SCHIP1: variants seen among roughly 807,000 people sequenced by gnomAD.
SCHIP1 encodes the protein schwannomin interacting protein 1, also known as schwannomin-interacting protein 1.
Under a neutral mutation model 29.7 loss-of-function variants are expected in SCHIP1, and 8 were observed. The ratio of observed to expected loss-of-function variants is 0.27; its 90% CI spans 0.16 to 0.49. The LOEUF is 0.49. Ranked by LOEUF, SCHIP1 falls within the 20% of genes least tolerant of loss-of-function variation. SCHIP1 has a pLI of 0.99. For synonymous variants in SCHIP1, 76 were observed against 94.9 expected, an observed-to-expected ratio of 0.80 and a Z score of 1.16; for missense variants, 193 against 294.6, an observed-to-expected ratio of 0.66 and a Z score of 2.52.
chr3:159,613,579 T>A, the SCHIP1 span, among the ~76,000 whole-genome samples: 2 of 152,234 alleles, frequency 1.3e-5, no homozygotes, highest in African/African-American at 2.4e-5. Flanking sequence ...TTTTATGACC[T>A]ACGGGTTGAA....
At chr3:159,379,171 A>T in the SCHIP1 span, among the ~76,000 whole-genome samples, 1 of 151,830 alleles carries the variant, frequency 6.6e-6, no homozygotes, top group Non-Finnish European at 1.5e-5. Context: ...ATGGAGTGAT[A>T]TAATATGTAA....
At position 159,865,099 on chromosome 3, in the gene SCHIP1, G is replaced by A. The variant is rs1483659026; in HGVS notation, c.31-1064G>A. ...AGAACCTCCTACTGGGAGAATGAAG[G>A]CATCACCAAGCCTTTAGTAGCCACA... is the stretch of plus-strand genomic sequence containing the variant. On this transcript the variant is annotated intron_variant, in intron 1 of 6. Coordinates refer to ENST00000445224, the Ensembl canonical transcript of SCHIP1. 3.3e-5 allele frequency among the ~76,000 whole-genome samples: 5 copies of A among 152,200 alleles called. No homozygotes were observed. The East Asian group carries it at 5.8e-4, about 18-fold the overall frequency.
the SCHIP1 span, among the ~76,000 whole-genome samples, chr3:159,319,391 T>C: frequency 6.6e-6 from 1 of 152,198 alleles, no homozygotes; most frequent in Non-Finnish European, 1.5e-5. Flanking sequence ...ATTGTTTGTT[T>C]TGAAAAGAGA....
At chr3:159,464,374 G>C in the SCHIP1 span, among the ~76,000 whole-genome samples, 3 of 152,160 alleles carry the variant, frequency 2.0e-5, no homozygotes, top group African/African-American at 7.2e-5. Flanking sequence ...TGATGCCACA[G>C]GTGACATTTC....
chr3:159,718,168 C>A, the SCHIP1 span, among the ~76,000 whole-genome samples: 1 of 152,118 alleles, frequency 6.6e-6, no homozygotes, highest in Middle Eastern at 3.2e-3. Context: ...AGGCCTTCGA[C>A]AAAATTTCAA....
chr3:159,448,787 A>G, the SCHIP1 span, among the ~76,000 whole-genome samples: 1 of 152,062 alleles, frequency 6.6e-6, no homozygotes, highest in Non-Finnish European at 1.5e-5. Context: ...ACCCTAACAC[A>G]CTCATGAACT....
the SCHIP1 span, among the ~76,000 whole-genome samples, chr3:159,451,608 G>A: frequency 6.6e-6 from 1 of 152,180 alleles, no homozygotes; most frequent in East Asian, 1.9e-4. Context: ...AGAATCTCTA[G>A]TTGGCATCTG....
At chr3:159,614,867 G>A in the SCHIP1 span, among the ~76,000 whole-genome samples, 20 of 152,216 alleles carry the variant, frequency 1.3e-4, no homozygotes, top group Non-Finnish European at 2.4e-4. Context: ...ACTGTGCTAG[G>A]TGCGTGCAAG....
chr3:159,292,483 A>G, the SCHIP1 span, among the ~76,000 whole-genome samples: 1 of 152,190 alleles, frequency 6.6e-6, no homozygotes, highest in Non-Finnish European at 1.5e-5. Flanking sequence ...GTTATTTAAT[A>G]TAAAGACATT....
chr3:159,655,380 GTGATGATGATGATGATGATGGTGA>G, the SCHIP1 span, among the ~76,000 whole-genome samples: 11 of 151,980 alleles, frequency 7.2e-5, no homozygotes, highest in East Asian at 3.9e-4. Flanking sequence ...AGTAGTAGTA[GTGATGATGATGATGATGATGGTGA>G]TGATGATGAT....
chr3:159,642,038 TCTCA>T, the SCHIP1 span, among the ~76,000 whole-genome samples: 4 of 152,130 alleles, frequency 2.6e-5, no homozygotes, highest in Non-Finnish European at 5.9e-5. Flanking sequence ...TGGTTTTGAA[TCTCA>T]CTCACTTCTC....
At chr3:159,745,737 C>A in the SCHIP1 span, among the ~76,000 whole-genome samples, 1 of 152,158 alleles carries the variant, frequency 6.6e-6, no homozygotes, top group Non-Finnish European at 1.5e-5. Flanking sequence ...TTCCTAGTGA[C>A]CTTGTTTAGT....
chr3:159,875,549 T>C (rs1715716219), intron 2 of SCHIP1, among the ~76,000 whole-genome samples: 1 of 152,254 alleles, frequency 6.6e-6, no homozygotes, highest in Non-Finnish European at 1.5e-5. Context: ...TGACAAGCTA[T>C]GATGACTTTA....
the SCHIP1 span, among the ~76,000 whole-genome samples, chr3:159,474,249 GC>G: frequency 5.1e-3 from 776 of 152,180 alleles, 7 homozygotes; most frequent in African/African-American, 0.018. Context: ...TTTCAGCTTT[GC>G]TTTGTTTTTG....
At chr3:159,697,238 T>C in the SCHIP1 span, among the ~76,000 whole-genome samples, 7 of 152,126 alleles carry the variant, frequency 4.6e-5, no homozygotes, top group African/African-American at 7.2e-5. Context: ...TGTTGACTTA[T>C]TAGGAAAAAG....
At chr3:159,564,739 T>G in the SCHIP1 span, among the ~76,000 whole-genome samples, 14 of 152,364 alleles carry the variant, frequency 9.2e-5, no homozygotes, top group Admixed American at 8.5e-4. Flanking sequence ...CTTTTATATC[T>G]GGCTTTCACT....
the SCHIP1 span, among the ~76,000 whole-genome samples, chr3:159,366,183 G>C: frequency 2.6e-5 from 4 of 152,110 alleles, no homozygotes; most frequent in Non-Finnish European, 5.9e-5. Flanking sequence ...AAGAGAGAAA[G>C]AGAGTGGGCT....
the SCHIP1 span, among the ~76,000 whole-genome samples, chr3:159,431,822 A>C: frequency 6.6e-6 from 1 of 151,894 alleles, no homozygotes; most frequent in Non-Finnish European, 1.5e-5. Context: ...AAAAAAAAAA[A>C]AGTAGGTAAA....
chr3:159,518,812 A>T, the SCHIP1 span, among the ~76,000 whole-genome samples: 14 of 152,128 alleles, frequency 9.2e-5, no homozygotes, highest in Non-Finnish European at 2.1e-4. Flanking sequence ...ATATCTTTCT[A>T]TGCATAAGAA....
Sources: gnomAD v4.1 joint callset for allele counts (sites outside exome capture counted in the v4.1 genomes callset) on GRCh38, gnomAD v4.1.1 for gene constraint, MANE v1.5 for transcripts, NCBI Gene and HGNC (gene_info 2026-07-23, HGNC 2026-07-21) for gene names.